The following ATRNL1 variants were observed in gnomAD, a reference collection of about 807,000 sequenced individuals.
The protein encoded by ATRNL1 is attractin-like protein 1.
In ATRNL1, 95 loss-of-function variants were observed where a neutral mutation model predicts 182.7. That is an observed-to-expected ratio of 0.52 (90% CI 0.44 to 0.62). The LOEUF (loss-of-function observed/expected upper bound fraction) is 0.62, where lower values mean the gene tolerates loss of function less well. ATRNL1 is among the 20% of genes least tolerant of loss of function. ATRNL1 has a pLI of 0.00. For missense variants in ATRNL1, 1,471 were observed against 1,679.5 expected (o/e 0.88, Z 2.17); for synonymous variants, 576 against 568.3 (o/e 1.01, Z -0.19).
intron 19 of ATRNL1, among the ~76,000 whole-genome samples, chr10:115,368,373 T>G (rs1554946875): frequency 1.3e-5 from 2 of 152,246 alleles, no homozygotes. Flanking sequence ...AGCCTCGCCC[T>G]GCTTCGGCTC....
At chr10:115,684,009 A>G (rs1199222999) in intron 26 of ATRNL1, among the ~76,000 whole-genome samples, 1 of 151,704 alleles carries the variant, frequency 6.6e-6, no homozygotes, top group Non-Finnish European at 1.5e-5. Flanking sequence ...TTTTTATCTA[A>G]TCATGTATCA....
In ATRNL1 at chr10:115,907,981, A is replaced by G. The variant is rs138088715; in HGVS notation, c.4019-36677A>G. Among the ~76,000 whole-genome samples, 932 of 152,346 alleles carry G rather than the reference A, an allele frequency of 6.1e-3. 8 individuals carry two copies. Among genetic ancestry groups the G allele is most frequent in the African/African-American group, 0.021 (881 of 41,582 alleles). ...GAGTTTTATAAGTAATCCACTTTTT[A>G]AAAGTAATAGCTATTTTTCCTATCC... On this transcript the variant is annotated intron_variant, in intron 28 of 28. Transcript: ENST00000355044.
chr10:115,943,271 A>G (rs573639933), intron 28 of ATRNL1, among the ~76,000 whole-genome samples: 9 of 152,370 alleles, frequency 5.9e-5, no homozygotes, highest in Admixed American at 1.3e-4. Context: ...CAAAACACAT[A>G]TCTGATAAAG....
chr10:115,938,201 AAC>A (rs1953620607), intron 28 of ATRNL1, among the ~76,000 whole-genome samples: 1 of 152,212 alleles, frequency 6.6e-6, no homozygotes, highest in African/African-American at 2.4e-5. Flanking sequence ...AATTGTAAAA[AAC>A]ACACATCAGT....
intron 20 of ATRNL1, among the ~76,000 whole-genome samples, chr10:115,396,519 C>T (rs1844297178): frequency 2.0e-5 from 3 of 151,952 alleles, no homozygotes; most frequent in South Asian, 2.1e-4. Context: ...TTCTCCTATT[C>T]CCTGCAATTA....
chr10:115,251,180 T>C (rs1850861257), intron 10 of ATRNL1, among the ~76,000 whole-genome samples: 1 of 152,184 alleles, frequency 6.6e-6, no homozygotes. Flanking sequence ...GCCAAACTGA[T>C]GATTTAAATG....
intron 12 of ATRNL1, among the ~76,000 whole-genome samples, chr10:115,267,438 T>C (rs1851654020): frequency 6.6e-6 from 1 of 151,810 alleles, no homozygotes; most frequent in Non-Finnish European, 1.5e-5. Flanking sequence ...TCATGACTAA[T>C]GATCTGGTTT....
chr10:115,253,300 G>A (rs1466860252), intron 10 of ATRNL1, among the ~76,000 whole-genome samples: 2 of 152,152 alleles, frequency 1.3e-5, no homozygotes, highest in Non-Finnish European at 2.9e-5. Flanking sequence ...TGTTGGGCTG[G>A]AATGGCCAGG....
In ATRNL1 at chr10:115,271,625, C is replaced by T. The variant is rs374721774; in HGVS notation, c.2100+3181C>T. ...AAAGACTTGGAACCAACCCAGATAT[C>T]CATCAATGATAGACTGGATTATACA... is the stretch of plus-strand genomic sequence containing the variant. On this transcript the variant is annotated intron_variant, in intron 13 of 28. Transcript: ENST00000355044. Among the ~76,000 whole-genome samples, 99 of 152,292 alleles carry T rather than the reference C, an allele frequency of 6.5e-4. 2 individuals carry two copies. In the South Asian group the frequency reaches 0.02, roughly 31 times the overall value.
rs565582819 is a variant in ATRNL1, at chr10:115,947,658, A to T, written c.*2879A>T. On this transcript the variant is annotated 3_prime_UTR_variant, in exon 29 of 29. Transcript: ENST00000355044. ...GGAAAACTTCAAATAGTTCGTATTT[A>T]AAAAGGTAATTGATCCTTGCTGTAC... 1.3e-5 allele frequency: 2 copies of T among 152,756 alleles called. No homozygotes were observed. Among genetic ancestry groups the T allele is most frequent in the East Asian group, 3.9e-4 (2 of 5,188 alleles). 9.5% of individuals were successfully genotyped at this position (152,756 alleles called of 1,614,324 possible). A position where few individuals can be genotyped will look rare whatever the true frequency, so the allele number is the denominator to read the frequency against.
At chr10:115,546,978 G>A (rs1053989997) in intron 25 of ATRNL1, among the ~76,000 whole-genome samples, 1 of 152,156 alleles carries the variant, frequency 6.6e-6, no homozygotes, top group Admixed American at 6.5e-5. Flanking sequence ...TATTGGCCAG[G>A]TGTGGTGGCT....
intron 17 of ATRNL1, among the ~76,000 whole-genome samples, chr10:115,310,871 T>C (rs782557069): frequency 6.6e-6 from 1 of 152,164 alleles, no homozygotes; most frequent in Non-Finnish European, 1.5e-5. Flanking sequence ...ATTTGGTTTG[T>C]TCTTGTTTCT....
chr10:115,736,446 T>C (rs950408905), intron 27 of ATRNL1, among the ~76,000 whole-genome samples: 4 of 152,120 alleles, frequency 2.6e-5, no homozygotes, highest in African/African-American at 9.6e-5. Context: ...TTCCTTACTG[T>C]TTTCATTACT....
intron 28 of ATRNL1, among the ~76,000 whole-genome samples, chr10:115,853,451 G>T (rs1377378269): frequency 6.6e-6 from 1 of 152,084 alleles, no homozygotes; most frequent in African/African-American, 2.4e-5. Context: ...ATGGACTCCG[G>T]GTCTGCTGGC....
chr10:115,549,689 G>A (rs1352174504), intron 26 of ATRNL1, among the ~76,000 whole-genome samples, 153 bp downstream of exon 26: 1 of 151,862 alleles, frequency 6.6e-6, no homozygotes, highest in African/African-American at 2.4e-5. Context: ...TTTTTAAGCT[G>A]TAGAGCAAAC....
intron 25 of ATRNL1, among the ~76,000 whole-genome samples, chr10:115,546,335 A>T (rs560709787): frequency 6.6e-6 from 1 of 151,832 alleles, no homozygotes; most frequent in South Asian, 2.1e-4. Flanking sequence ...GAGGCTGAGG[A>T]GGGCAGATCA....
chr10:115,942,219 G>A (rs1437314655), intron 28 of ATRNL1, among the ~76,000 whole-genome samples: 2 of 152,106 alleles, frequency 1.3e-5, no homozygotes, highest in Non-Finnish European at 2.9e-5. Flanking sequence ...ATCTGACCCT[G>A]CTAATTCTGT....
At chr10:115,096,914 T>A in intron 1 of ATRNL1, 1 of 642,970 alleles carries the variant, frequency 1.6e-6, no homozygotes, top group African/African-American at 2.0e-5. Flanking sequence ...GGAAAATATA[T>A]TTGAAATATA....
intron 13 of ATRNL1, among the ~76,000 whole-genome samples, chr10:115,273,573 T>G (rs1851968498): frequency 6.6e-6 from 1 of 152,162 alleles, no homozygotes; most frequent in South Asian, 2.1e-4. Flanking sequence ...TGAGAAGCAC[T>G]GTTTGATTTT....
Sources: gnomAD v4.1 joint callset for allele counts (sites outside exome capture counted in the v4.1 genomes callset) on GRCh38, gnomAD v4.1.1 for gene constraint, MANE v1.5 for transcripts, NCBI Gene and HGNC (gene_info 2026-07-23, HGNC 2026-07-21) for gene names.